The following RNLS variants were observed in gnomAD, a reference collection of about 807,000 sequenced individuals.
RNLS encodes the protein renalase.
A neutral mutation model predicts 39.8 loss-of-function variants in RNLS; 39 were observed. The observed-to-expected ratio is 0.98, with a 90% CI of 0.76 to 1.28. RNLS has a LOEUF of 1.28. RNLS is among the 50% of genes most tolerant of loss of function. The pLI is 0.00. For missense variants in RNLS, 410 were observed against 413.3 expected, an observed-to-expected ratio of 0.99 and a Z score of 0.07; for synonymous variants, 147 against 150.7, an observed-to-expected ratio of 0.98 and a Z score of 0.18.
intron 5 of RNLS, among the ~76,000 whole-genome samples, chr10:88,355,211 A>G (rs577444214): frequency 6.6e-6 from 1 of 152,238 alleles, no homozygotes; most frequent in Admixed American, 6.5e-5. Context: ...TCTTCTCTCA[A>G]CTTGTCAAAG....
intron 4 of RNLS, among the ~76,000 whole-genome samples, chr10:88,435,650 T>A (rs1031218447): frequency 6.6e-6 from 1 of 151,926 alleles, no homozygotes; most frequent in Admixed American, 6.6e-5. Flanking sequence ...ACTATCTCAA[T>A]AGATAGCTGG....
At chr10:88,477,905 C>A (rs1843910482) in intron 4 of RNLS, among the ~76,000 whole-genome samples, 1 of 152,148 alleles carries the variant, frequency 6.6e-6, no homozygotes, top group Non-Finnish European at 1.5e-5. Context: ...AACTACTATG[C>A]AATACTAGCT....
chr10:88,254,946 A>G, the RNLS span, among the ~76,000 whole-genome samples: 1 of 152,236 alleles, frequency 6.6e-6, no homozygotes, highest in Admixed American at 6.5e-5. Flanking sequence ...AAACACTCTC[A>G]TTTCAGATGC....
At chr10:88,262,446 C>A in the RNLS span, among the ~76,000 whole-genome samples, 1 of 152,136 alleles carries the variant, frequency 6.6e-6, no homozygotes, top group Non-Finnish European at 1.5e-5. Flanking sequence ...GGACTCAGAT[C>A]GGCACCCTCT....
Position 88,480,535 on chromosome 10 carries a change from C to T in RNLS, c.526+92368G>A, listed in dbSNP as rs532791534. ...CTCCCGGCTTCAAGCGATTCTCCTG[C>T]CTCAGCCTCCCAAGTAGCTGGGATT... On this transcript the variant is annotated intron_variant, in intron 4 of 6. Coordinates refer to ENST00000331772, the MANE Select transcript of RNLS (RefSeq NM_001031709.3). 3.0e-4 allele frequency among the ~76,000 whole-genome samples: 45 copies of T among 152,348 alleles called. No individual in the cohort carries two copies. The South Asian group carries it at 7.9e-3, about 27-fold the overall frequency.
chr10:88,292,916 T>A (rs1246438606), intron 6 of RNLS, among the ~76,000 whole-genome samples: 3 of 151,098 alleles, frequency 2.0e-5, no homozygotes, highest in African/African-American at 7.3e-5. Flanking sequence ...CTGGGCGTGG[T>A]GGCACGTGCC....
At chr10:88,570,750 A>G (rs1325345487) in intron 4 of RNLS, among the ~76,000 whole-genome samples, 1 of 152,198 alleles carries the variant, frequency 6.6e-6, no homozygotes, top group Non-Finnish European at 1.5e-5. Context: ...TATTCTCACC[A>G]GATTGTTGCC....
At chr10:88,412,005 A>G (rs1853687476) in intron 4 of RNLS, among the ~76,000 whole-genome samples, 1 of 152,128 alleles carries the variant, frequency 6.6e-6, no homozygotes, top group Admixed American at 6.6e-5. Context: ...CCTGGGTCAC[A>G]TCAGGTTTAG....
chr10:88,377,787 C>T (rs925552431), intron 4 of RNLS, among the ~76,000 whole-genome samples: 2 of 152,092 alleles, frequency 1.3e-5, no homozygotes. Context: ...TACACATAGG[C>T]TACTCTAAAT....
chr10:88,303,669 C>T (rs879475378), intron 6 of RNLS, among the ~76,000 whole-genome samples: 3 of 152,196 alleles, frequency 2.0e-5, no homozygotes, highest in Non-Finnish European at 4.4e-5. Flanking sequence ...CTCCCCCTAC[C>T]AATCACCATT....
the RNLS span, among the ~76,000 whole-genome samples, chr10:88,206,953 T>G: frequency 6.6e-6 from 1 of 152,282 alleles, no homozygotes; most frequent in East Asian, 1.9e-4. Flanking sequence ...GGGACAATTC[T>G]ACAAGTAAAA....
At position 88,428,248 on chromosome 10, in the gene RNLS, C is replaced by T. The variant is rs562183196; in HGVS notation, c.527-65523G>A. Among the ~76,000 whole-genome samples, 3 of 152,098 alleles carry T rather than the reference C, an allele frequency of 2.0e-5. No homozygotes were observed. The East Asian group carries it at 5.8e-4, about 29-fold the overall frequency. On this transcript the variant is annotated intron_variant, in intron 4 of 6. Coordinates refer to ENST00000331772, the MANE Select transcript of RNLS (RefSeq NM_001031709.3). ...TATTTTCCAAGGAAAAGAGCTAGGA[C>T]TATTACTAATAAGAAAACACACTTT...
the RNLS span, among the ~76,000 whole-genome samples, chr10:88,268,593 G>A: frequency 6.6e-6 from 1 of 152,152 alleles, no homozygotes; most frequent in Non-Finnish European, 1.5e-5. Context: ...GATTCCTACA[G>A]GCAGACAGGC....
At chr10:88,575,624 G>A (rs1274259506) in intron 3 of RNLS, among the ~76,000 whole-genome samples, 2 of 152,082 alleles carry the variant, frequency 1.3e-5, no homozygotes, top group South Asian at 2.1e-4. Flanking sequence ...TTGGGAAAGT[G>A]GCATTTCCTT....
At chr10:88,438,964 C>G (rs1841561523) in intron 4 of RNLS, among the ~76,000 whole-genome samples, 2 of 146,644 alleles carry the variant, frequency 1.4e-5, no homozygotes, top group South Asian at 4.8e-4. Flanking sequence ...ACTGATATCA[C>G]CGGGGGCGGG....
At chr10:88,513,856 T>C (rs1333771234) in intron 4 of RNLS, among the ~76,000 whole-genome samples, 4 of 152,158 alleles carry the variant, frequency 2.6e-5, no homozygotes, top group African/African-American at 9.7e-5. Context: ...TATAACATAC[T>C]ATCATCAAAT....
At chr10:88,215,371 T>A in the RNLS span, among the ~76,000 whole-genome samples, 1 of 152,126 alleles carries the variant, frequency 6.6e-6, no homozygotes, top group Non-Finnish European at 1.5e-5. Context: ...TTTATATAAC[T>A]AGTAAATAAC....
chr10:88,244,450 G>A, the RNLS span, among the ~76,000 whole-genome samples: 3 of 152,322 alleles, frequency 2.0e-5, no homozygotes, highest in Admixed American at 1.3e-4. Context: ...CCGAAAGGGT[G>A]CAGACAAGTT....
intron 4 of RNLS, among the ~76,000 whole-genome samples, chr10:88,439,535 A>G (rs371354616): frequency 7.2e-5 from 11 of 152,338 alleles, no homozygotes; most frequent in African/African-American, 2.4e-4. Flanking sequence ...AAAGGAATAT[A>G]TAAGTATGAT....
Sources: allele counts gnomAD v4.1 joint callset (sites outside exome capture counted in the v4.1 genomes callset), GRCh38; gene constraint gnomAD v4.1.1; transcripts MANE v1.5; gene names NCBI Gene and HGNC (gene_info 2026-07-23, HGNC 2026-07-21).